Variants in LTN1 observed in about 807,000 individuals in gnomAD.
LTN1 encodes the protein E3 ubiquitin-protein ligase listerin.
Under a neutral mutation model 201.2 loss-of-function variants are expected in LTN1, and 88 were observed. The ratio of observed to expected loss-of-function variants is 0.44; its 90% CI spans 0.37 to 0.52. The LOEUF is 0.52. LTN1 is among the 20% of genes least tolerant of loss of function. LTN1 has a pLI of 0.00. For missense variants in LTN1, 1,752 were observed against 2,038.7 expected, an observed-to-expected ratio of 0.86 and a Z score of 2.71; for synonymous variants, 645 against 713.5, an observed-to-expected ratio of 0.90 and a Z score of 1.53.
At position 28,952,155 on chromosome 21, in the gene LTN1, A is replaced by T; in HGVS notation, c.3344+5T>A. 1 of 1,544,794 alleles carries T rather than the reference A, an allele frequency of 6.5e-7. No individual in the cohort carries two copies. Among genetic ancestry groups the T allele is most frequent in the Non-Finnish European group, 8.9e-7 (1 of 1,129,276 alleles). ...ACAAAGTAAAAACATTTTAAATAAGAATACCTTTCTTTTCTCTTATAATGT... is the reference window on the plus strand; with the variant it reads ...ACAAAGTAAAAACATTTTAAATAAGTATACCTTTCTTTTCTCTTATAATGT... On this transcript the variant is annotated splice_donor_5th_base_variant and intron_variant, in intron 18 of 29. Transcript: ENST00000361371.
At chr21:28,969,304 T>C (rs2084553593) in intron 9 of LTN1, among the ~76,000 whole-genome samples, 162 bp downstream of exon 9, 1 of 152,128 alleles carries the variant, frequency 6.6e-6, no homozygotes, top group Admixed American at 6.5e-5. Flanking sequence ...AGTATGGAAT[T>C]TTTACTTATC....
intron 12 of LTN1, chr21:28,959,995 T>C (rs755966903): frequency 1.6e-5 from 4 of 250,136 alleles, no homozygotes; most frequent in African/African-American, 2.3e-5. Flanking sequence ...CCCTTTAGGA[T>C]ATAGAACTAA....
At position 28,935,839 on chromosome 21, in the gene LTN1, CAAAA is replaced by C. The variant is rs1190416524; in HGVS notation, c.4655-514_4655-511del. Among the ~76,000 whole-genome samples the C allele has an allele frequency of 5.1e-5, 4 of 78,944 alleles. 1 individual carries two copies. Among genetic ancestry groups the C allele is most frequent in the Admixed American group, 1.3e-4 (1 of 7,456 alleles). The allele number at this position is 78,944 out of a possible 152,430, so 51.8% of individuals were successfully genotyped here. On this transcript the variant is annotated intron_variant, in intron 26 of 29. Coordinates refer to ENST00000361371, the MANE Select transcript of LTN1 (RefSeq NM_015565.3). ...TGGGCGACAGAGCGAGACTCCGTCT[CAAAA>C]AAAAAAAAAAAAAAAGTGAAAATCC...
At position 28,931,242 on chromosome 21, in the gene LTN1, G is replaced by A. The variant is rs1031400085; in HGVS notation, c.5151C>T (p.Ile1717=). Residue 1717 remains isoleucine (I), a synonymous_variant, in exon 29 of 30, where the codon ATC becomes ATT. Coordinates refer to ENST00000361371, the MANE Select transcript of LTN1 (RefSeq NM_015565.3). The part of the protein sequence containing the change: ...KRFEGVEDCM[I]CFSVIHGFNY... Reference sequence around the variant, plus strand: ...TGAAACCGTGAATGACTGAGAAACAGATCATGCAATCTTCAACACCCTCAA... The same window carrying A: ...TGAAACCGTGAATGACTGAGAAACAAATCATGCAATCTTCAACACCCTCAA... The A allele has an allele frequency of 1.1e-5, 18 of 1,612,908 alleles. No homozygotes were observed. Among genetic ancestry groups the A allele is most frequent in the Non-Finnish European group, 1.5e-5 (18 of 1,179,136 alleles).
intron 14 of LTN1, 53 bp from the exon 15 acceptor site, chr21:28,957,529 A>G: frequency 8.3e-7 from 1 of 1,206,778 alleles, no homozygotes; most frequent in Non-Finnish European, 1.1e-6. Context: ...GACTAGTTTG[A>G]ATACCCCAAT....
At position 28,932,449 on chromosome 21, in the gene LTN1, A is replaced by C. The variant is rs546933660; in HGVS notation, c.5070+21T>G. 49 of 1,601,650 alleles carry C rather than the reference A, an allele frequency of 3.1e-5. No individual in the cohort carries two copies. In the East Asian group the frequency reaches 1.0e-3, roughly 33 times the overall value. ...CATCTTTTCCAAGTTTGTAAAGCCAAATGTGTAAACAGAAACTTACCTGAT... is the reference window on the plus strand; with the variant it reads ...CATCTTTTCCAAGTTTGTAAAGCCACATGTGTAAACAGAAACTTACCTGAT... On this transcript the variant is annotated intron_variant, in intron 28 of 29. Transcript: ENST00000361371.
In LTN1 at chr21:28,969,388, A is replaced by C. The variant is rs111554443; in HGVS notation, c.1311+78T>G. Reference sequence around the variant, plus strand: ...TTTACAAGGAAGGCTTATTACTGTAAATGGCAACAAGACACAATGAGCTTG... The same window carrying C: ...TTTACAAGGAAGGCTTATTACTGTACATGGCAACAAGACACAATGAGCTTG... On this transcript the variant is annotated intron_variant, in intron 9 of 29. Transcript: ENST00000361371. 1,879 of 1,251,324 alleles carry C rather than the reference A, an allele frequency of 1.5e-3. 23 individuals carry two copies. The African/African-American group carries it at 0.027, about 18-fold the overall frequency. The allele number at this position is 1,251,324 out of a possible 1,614,324, so 77.5% of individuals were successfully genotyped here.
intron 13 of LTN1, among the ~76,000 whole-genome samples, chr21:28,958,897 G>A (rs1296594243): frequency 6.6e-6 from 1 of 151,334 alleles, no homozygotes; most frequent in African/African-American, 2.4e-5. Flanking sequence ...CCAATGATGG[G>A]CAGAAAAAAA....
At chr21:28,946,622 CTACAGCTACAGAG>C (rs752704892) in intron 19 of LTN1, among the ~76,000 whole-genome samples, 15 of 152,178 alleles carry the variant, frequency 9.9e-5, no homozygotes, top group Non-Finnish European at 2.2e-4. Context: ...AAAAAAAACC[CTACAGCTACAGAG>C]TAGCTGGAAA....
intron 6 of LTN1, among the ~76,000 whole-genome samples, chr21:28,976,056 C>G (rs1475586947): frequency 6.6e-6 from 1 of 151,488 alleles, no homozygotes. Flanking sequence ...GGAGGCAAAT[C>G]AATGACTGCC....
intron 1 of LTN1, among the ~76,000 whole-genome samples, chr21:28,990,692 CTCA>C (rs1181780898): frequency 6.6e-6 from 1 of 152,228 alleles, no homozygotes; most frequent in South Asian, 2.1e-4. Flanking sequence ...CTGAGAAAGA[CTCA>C]TCATCTATGA....
In LTN1 at chr21:28,967,297, G is replaced by A. The variant is rs558049381; in HGVS notation, c.1312-118C>T. On this transcript the variant is annotated intron_variant, in intron 9 of 29. Coordinates refer to ENST00000361371, the MANE Select transcript of LTN1 (RefSeq NM_015565.3). Reference sequence around the variant, plus strand: ...GTGATATCATTTCATAAGCTAATGGGTTGATTGATGGCTGGCAGCACCTGT... The same window carrying A: ...GTGATATCATTTCATAAGCTAATGGATTGATTGATGGCTGGCAGCACCTGT... 510 of 722,084 alleles carry A rather than the reference G, an allele frequency of 7.1e-4. 2 individuals are homozygous for A. In the African/African-American group the frequency reaches 8.1e-3, roughly 11 times the overall value. The allele number at this position is 722,084 out of a possible 1,614,324, so 44.7% of individuals were successfully genotyped here. A position where few individuals can be genotyped will look rare whatever the true frequency, so the allele number is the denominator to read the frequency against.
At chr21:28,933,020 C>G (rs2146253328) in intron 27 of LTN1, among the ~76,000 whole-genome samples, 1 of 152,294 alleles carries the variant, frequency 6.6e-6, no homozygotes, top group African/African-American at 2.4e-5. Context: ...ACTTCTACAT[C>G]TAACAATTCT....
rs2084404407 is a variant in LTN1, at chr21:28,953,953, A to C, written c.3080-577T>G. Among the ~76,000 whole-genome samples, 3 of 152,194 alleles carry C rather than the reference A, an allele frequency of 2.0e-5. No individual in the cohort carries two copies. The South Asian group carries it at 6.2e-4, about 31-fold the overall frequency. On this transcript the variant is annotated intron_variant, in intron 16 of 29. Transcript: ENST00000361371. Reference sequence around the variant, plus strand: ...CTGGTATATCATAGGTTTCTAATACACAGTCACAGCTCCCTTTTATAAAGC... The same window carrying C: ...CTGGTATATCATAGGTTTCTAATACCCAGTCACAGCTCCCTTTTATAAAGC...
chr21:28,960,483 C>T (rs2146290624), intron 12 of LTN1, 34 bp downstream of exon 12: 1 of 1,515,092 alleles, frequency 6.6e-7, no homozygotes, highest in South Asian at 1.2e-5. Flanking sequence ...ATGGACTATT[C>T]CCCATTAGAA....
chr21:28,970,439 A>C, intron 8 of LTN1, 113 bp downstream of exon 8: 1 of 735,384 alleles, frequency 1.4e-6, no homozygotes, highest in Non-Finnish European at 2.2e-6. Flanking sequence ...GAAAACTTTA[A>C]AAGTATTTAA....
intron 18 of LTN1, 55 bp from the exon 19 acceptor site, chr21:28,947,661 T>G (rs1023404026): frequency 8.8e-7 from 1 of 1,132,872 alleles, no homozygotes; most frequent in Non-Finnish European, 1.2e-6. Flanking sequence ...TACAGTTATT[T>G]TATATATTTC....
Position 28,946,138 on chromosome 21 carries a change from A to G in LTN1, c.3623+14T>C, listed in dbSNP as rs757076506. 2.5e-5 allele frequency: 39 copies of G among 1,565,828 alleles called. No homozygotes were observed. The highest frequency in any genetic ancestry group is 3.3e-5 in the Non-Finnish European group (38 of 1,156,340). On this transcript the variant is annotated intron_variant, in intron 20 of 29. Coordinates refer to ENST00000361371, the MANE Select transcript of LTN1 (RefSeq NM_015565.3). ...GTATACTGAAGGAAAAACATAGTATAAAGTATCACCTACCAACTGAAAAGA... is the reference window on the plus strand; with the variant it reads ...GTATACTGAAGGAAAAACATAGTATGAAGTATCACCTACCAACTGAAAAGA...
At chr21:28,961,873 T>A (rs568931625) in intron 11 of LTN1, among the ~76,000 whole-genome samples, 29 of 152,274 alleles carry the variant, frequency 1.9e-4, no homozygotes, top group African/African-American at 6.5e-4. Context: ...TAGCTGGGCA[T>A]AGTGGCAGGT....
Sources: allele counts gnomAD v4.1 joint callset (sites outside exome capture counted in the v4.1 genomes callset), GRCh38; gene constraint gnomAD v4.1.1; transcripts MANE v1.5; gene names NCBI Gene and HGNC (gene_info 2026-07-23, HGNC 2026-07-21).